Variants in TNPO1 observed in about 807,000 individuals in gnomAD.
TNPO1 encodes the protein transportin 1.
A neutral mutation model predicts 119.5 loss-of-function variants in TNPO1; 8 were observed. The ratio of observed to expected loss-of-function variants is 0.07; its 90% CI spans 0.04 to 0.12. TNPO1 has a LOEUF of 0.12. TNPO1 is among the 10% of genes least tolerant of loss of function. The probability of loss-of-function intolerance (pLI) is 1.00; values close to 1 mark genes in which losing one functional copy is unlikely to be tolerated. For missense variants in TNPO1, 576 were observed against 1,089.8 expected (o/e 0.53, Z 6.64); for synonymous variants, 362 against 363.0 (o/e 1.00, Z 0.03).
chr5:72,827,044 G>A (rs1472260921), intron 1 of TNPO1, among the ~76,000 whole-genome samples: 2 of 152,118 alleles, frequency 1.3e-5, no homozygotes, highest in African/African-American at 4.8e-5. Context: ...GAGAGAAAAG[G>A]AAGAGGACAT....
At chr5:72,880,036 A>G (rs1406343338) in intron 9 of TNPO1, among the ~76,000 whole-genome samples, 1 of 152,060 alleles carries the variant, frequency 6.6e-6, no homozygotes, top group Non-Finnish European at 1.5e-5. Flanking sequence ...AAAATACAAA[A>G]ATTAGCTGGG....
chr5:72,852,279 A>G lies in TNPO1; in HGVS notation c.205+960A>G, dbSNP rs532178220. 2.0e-5 allele frequency among the ~76,000 whole-genome samples: 3 copies of G among 152,334 alleles called. No individual in the cohort carries two copies. In the South Asian group the frequency reaches 6.2e-4, roughly 32 times the overall value. ...TAACATGGTCATTTGATTATTTCTA[A>G]TAATATGTAACGCATCCCACTAGAC... On this transcript the variant is annotated intron_variant, in intron 3 of 24. Coordinates refer to ENST00000337273, the MANE Select transcript of TNPO1 (RefSeq NM_002270.4).
intron 1 of TNPO1, among the ~76,000 whole-genome samples, chr5:72,836,984 C>T (rs907408896): frequency 6.6e-6 from 1 of 152,158 alleles, no homozygotes; most frequent in Non-Finnish European, 1.5e-5. Context: ...ACAGAGAGGA[C>T]CACTTAAGAA....
At chr5:72,824,479 A>G (rs1365017855) in intron 1 of TNPO1, among the ~76,000 whole-genome samples, 1 of 152,154 alleles carries the variant, frequency 6.6e-6, no homozygotes, top group Non-Finnish European at 1.5e-5. Context: ...CCATATTGTT[A>G]AATGCCCTGT....
At chr5:72,851,378 C>G (rs1413424866) in intron 3 of TNPO1, 59 bp downstream of exon 3, 2 of 983,826 alleles carry the variant, frequency 2.0e-6, no homozygotes, top group Admixed American at 4.2e-5. Context: ...TTTAAATGTA[C>G]TGAGAATTAT....
chr5:72,900,684 C>G (rs549164012), intron 21 of TNPO1, among the ~76,000 whole-genome samples: 6 of 151,784 alleles, frequency 4.0e-5, no homozygotes, highest in Non-Finnish European at 7.4e-5. Context: ...GTAATTTGTT[C>G]TTCTTGGCTC....
Position 72,912,538 on chromosome 5 carries a change from T to A in TNPO1, c.*3865T>A, listed in dbSNP as rs1174032506. ...AGTTACATTCTTTGTTTTTTAAGTG[T>A]ATTTCATTGAGAATCTTTCCATTTA... On this transcript the variant is annotated 3_prime_UTR_variant, in exon 25 of 25. Transcript: ENST00000337273. 1 of 152,510 alleles carries A rather than the reference T, an allele frequency of 6.6e-6. No homozygotes were observed. The highest frequency in any genetic ancestry group is 2.4e-5 in the African/African-American group (1 of 41,452). 9.4% of individuals were successfully genotyped at this position (152,510 alleles called of 1,614,324 possible).
At chr5:72,893,591 G>C (rs1360335017) in intron 17 of TNPO1, 25 bp from the exon 18 acceptor site, 2 of 1,614,052 alleles carry the variant, frequency 1.2e-6, no homozygotes, top group East Asian at 2.2e-5. Flanking sequence ...TCACATTGGG[G>C]TTAATTTCTT....
chr5:72,867,993 T>C (rs1046740337), intron 6 of TNPO1, among the ~76,000 whole-genome samples: 5 of 152,226 alleles, frequency 3.3e-5, no homozygotes, highest in Admixed American at 6.5e-5. Flanking sequence ...ATCTTGTTGT[T>C]GTCTCTTCCT....
rs150920835 is a variant in TNPO1, at chr5:72,896,231, T to G, written c.2144-227T>G. 8.1e-4 allele frequency among the ~76,000 whole-genome samples: 123 copies of G among 152,332 alleles called. 3 individuals carry two copies. In the East Asian group the frequency reaches 0.018, roughly 22 times the overall value. On this transcript the variant is annotated intron_variant, in intron 18 of 24. Transcript: ENST00000337273. Reference sequence around the variant, plus strand: ...GAAAGTTCATTGGCCAGATACTGTTTTCTTCAGTTTCTTAAGATAAACATT... The same window carrying G: ...GAAAGTTCATTGGCCAGATACTGTTGTCTTCAGTTTCTTAAGATAAACATT...
chr5:72,902,172 C>G (rs1478411525), intron 22 of TNPO1, among the ~76,000 whole-genome samples: 5 of 152,006 alleles, frequency 3.3e-5, no homozygotes, highest in Non-Finnish European at 7.4e-5. Flanking sequence ...CAAAAAAATG[C>G]TTTTATAGCA....
rs1749191391 is a variant in TNPO1 at position 72,893,222 on chromosome 5, A to G, written c.1872A>G (p.Val624=). The G allele has an allele frequency of 1.9e-6, 3 of 1,613,888 alleles. No homozygotes were observed. The African/African-American group carries it at 4.0e-5, about 22-fold the overall frequency. ...EPVYQRCVNL[V]QKTLAQAMLN... is the part of the protein sequence containing the mutation. ...TGTATCAGCGTTGTGTAAACCTAGT[A>G]CAGAAGACTCTTGCACAAGCCATGG... is the stretch of plus-strand genomic sequence containing the variant. Residue 624 remains valine (V), a synonymous_variant, in exon 16 of 25, where the codon GTA becomes GTG. Coordinates refer to ENST00000337273, the MANE Select transcript of TNPO1 (RefSeq NM_002270.4).
intron 12 of TNPO1, among the ~76,000 whole-genome samples, chr5:72,887,821 T>A (rs1385852270): frequency 6.6e-6 from 1 of 152,230 alleles, no homozygotes; most frequent in Non-Finnish European, 1.5e-5. Flanking sequence ...ACTCTCTTCA[T>A]TCTCTATGAA....
chr5:72,853,948 A>AT (rs538348513), intron 3 of TNPO1, among the ~76,000 whole-genome samples: 1 of 152,178 alleles, frequency 6.6e-6, no homozygotes, highest in Non-Finnish European at 1.5e-5. Context: ...TAGTCGTTGA[A>AT]TTTTTTAAAT....
At chr5:72,906,264 CT>C (rs11356390) in intron 24 of TNPO1, among the ~76,000 whole-genome samples, 72,800 of 90,086 alleles carry the variant, frequency 0.81, 29,446 homozygotes, top group East Asian at 0.85. Flanking sequence ...GTGCCCATCA[CT>C]TTTTTTTTTC....
chr5:72,863,051 T>A (rs957110573), intron 5 of TNPO1, among the ~76,000 whole-genome samples: 1 of 151,002 alleles, frequency 6.6e-6, no homozygotes, highest in African/African-American at 2.4e-5. Context: ...TTTTTTGGGG[T>A]TTTTTTGCCA....
chr5:72,855,415 T>G (rs1745915049), intron 3 of TNPO1, among the ~76,000 whole-genome samples: 1 of 152,196 alleles, frequency 6.6e-6, no homozygotes, highest in Admixed American at 6.6e-5. Context: ...CTTAAATCAG[T>G]GGTTCTCAAC....
intron 4 of TNPO1, 136 bp downstream of exon 4, chr5:72,856,059 C>A: frequency 1.1e-6 from 1 of 896,750 alleles, no homozygotes; most frequent in South Asian, 1.5e-5. Context: ...CCTTTAAATG[C>A]TTTTGAAATG....
chr5:72,870,459 G>A (rs1241231750), intron 6 of TNPO1, among the ~76,000 whole-genome samples: 1 of 152,124 alleles, frequency 6.6e-6, no homozygotes, highest in East Asian at 1.9e-4. Flanking sequence ...ACCGTGCCCA[G>A]CCAATTGCTT....
Sources: gnomAD v4.1 joint callset for allele counts (sites outside exome capture counted in the v4.1 genomes callset) on GRCh38, gnomAD v4.1.1 for gene constraint, MANE v1.5 for transcripts, NCBI Gene and HGNC (gene_info 2026-07-23, HGNC 2026-07-21) for gene names.